The following DPP10 variants were observed in gnomAD, a reference collection of about 807,000 sequenced individuals.
The protein encoded by DPP10 is dipeptidyl peptidase like 10.
A neutral mutation model predicts 120.9 loss-of-function variants in DPP10; 33 were observed. The observed-to-expected ratio is 0.27, with a 90% CI of 0.21 to 0.37. The LOEUF (loss-of-function observed/expected upper bound fraction) is 0.37. Ranked by LOEUF, DPP10 falls within the 10% of genes least tolerant of loss-of-function variation. The pLI is 1.00. For missense variants in DPP10, 816 were observed against 942.8 expected, an observed-to-expected ratio of 0.87 and a Z score of 1.76; for synonymous variants, 337 against 326.1, an observed-to-expected ratio of 1.03 and a Z score of -0.36.
chr2:115,689,903 T>C lies in DPP10; in HGVS notation c.558T>C (p.Gly186=). The change falls in exon 7 of 26, where the codon GGT becomes GGC. Residue 186 remains glycine (G), a synonymous_variant. Transcript: ENST00000410059. Reference sequence around the variant, plus strand: ...CCGTCTTGCAGTACGCGGCCTGGGGTGTCCAAGGGCAGCAGCTGGTAAGCG... The same window carrying C: ...CCGTCTTGCAGTACGCGGCCTGGGGCGTCCAAGGGCAGCAGCTGGTAAGCG... ...EDSVLQYAAW[G]VQGQQLIYIF... 6.2e-7 allele frequency: 1 copy of C among 1,613,866 alleles called. No homozygotes were observed. The highest frequency in any genetic ancestry group is 8.5e-7 in the Non-Finnish European group (1 of 1,179,926).
intron 1 of DPP10, among the ~76,000 whole-genome samples, chr2:114,668,953 G>C (rs1698136749): frequency 6.6e-6 from 1 of 151,982 alleles, no homozygotes; most frequent in Non-Finnish European, 1.5e-5. Context: ...TAAATATCAT[G>C]TTCTCTTGTC....
chr2:114,717,456 C>G (rs1319147695), intron 1 of DPP10, among the ~76,000 whole-genome samples: 1 of 152,008 alleles, frequency 6.6e-6, no homozygotes, highest in Non-Finnish European at 1.5e-5. Context: ...ATTTTACCAA[C>G]TAGGAAATGA....
chr2:115,141,305 G>A (rs1325969292), intron 1 of DPP10, among the ~76,000 whole-genome samples: 2 of 152,138 alleles, frequency 1.3e-5, no homozygotes, highest in Non-Finnish European at 2.9e-5. Context: ...GGCAATTTAG[G>A]CAGGGAGGAA....
chr2:115,234,281 CTA>C (rs144443911), intron 1 of DPP10, among the ~76,000 whole-genome samples: 11 of 152,140 alleles, frequency 7.2e-5, no homozygotes, highest in Non-Finnish European at 1.5e-4. Context: ...ATACCCTGCA[CTA>C]TGTTTCCTTT....
intron 3 of DPP10, among the ~76,000 whole-genome samples, chr2:115,448,254 A>G (rs2072796633): frequency 1.3e-5 from 2 of 152,198 alleles, no homozygotes; most frequent in Admixed American, 1.3e-4. Flanking sequence ...CGGGATAGAG[A>G]AAGAAGCAGC....
chr2:115,712,856 C>T (rs1276107775), intron 7 of DPP10, among the ~76,000 whole-genome samples: 1 of 151,864 alleles, frequency 6.6e-6, no homozygotes, highest in African/African-American at 2.4e-5. Context: ...TAAGTATTCC[C>T]TGTCATCAAG....
At chr2:115,210,224 A>G (rs1396702549) in intron 1 of DPP10, among the ~76,000 whole-genome samples, 2 of 151,834 alleles carry the variant, frequency 1.3e-5, no homozygotes, top group Non-Finnish European at 2.9e-5. Flanking sequence ...CCTGTGTCCA[A>G]GTGTTCTCAT....
intron 3 of DPP10, among the ~76,000 whole-genome samples, chr2:115,477,415 C>T (rs2075155779): frequency 6.6e-6 from 1 of 151,728 alleles, no homozygotes. Flanking sequence ...GTAGTAGCAC[C>T]AAAAGGATTA....
chr2:115,368,783 A>ATTAATT (rs144308549), intron 3 of DPP10, among the ~76,000 whole-genome samples: 3 of 151,130 alleles, frequency 2.0e-5, no homozygotes, highest in East Asian at 1.9e-4. Flanking sequence ...TTTAATTGAA[A>ATTAATT]TTAATTTTAA....
intron 1 of DPP10, among the ~76,000 whole-genome samples, chr2:115,176,888 G>A (rs1242409288): frequency 2.0e-5 from 3 of 152,200 alleles, no homozygotes; most frequent in Non-Finnish European, 4.4e-5. Context: ...CATGTGTTTG[G>A]TGAGCACCTG....
chr2:115,282,719 GT>G (rs1023640702), intron 1 of DPP10, among the ~76,000 whole-genome samples: 6 of 152,104 alleles, frequency 3.9e-5, no homozygotes, highest in Non-Finnish European at 8.8e-5. Context: ...AAGAGGCCTG[GT>G]AGCCTTTGTT....
intron 1 of DPP10, among the ~76,000 whole-genome samples, chr2:114,987,964 C>T (rs1342125145): frequency 2.0e-5 from 3 of 151,744 alleles, no homozygotes; most frequent in Non-Finnish European, 4.4e-5. Context: ...CCACCACGCC[C>T]GGCTAATTTT....
chr2:114,658,597 T>C (rs1279446803), intron 1 of DPP10, among the ~76,000 whole-genome samples: 5 of 152,046 alleles, frequency 3.3e-5, no homozygotes, highest in Non-Finnish European at 5.9e-5. Flanking sequence ...GTATCTTCAG[T>C]TTTGTTTGTT....
At chr2:114,494,675 G>A (rs1450597530) in intron 1 of DPP10, among the ~76,000 whole-genome samples, 1 of 152,168 alleles carries the variant, frequency 6.6e-6, no homozygotes, top group Non-Finnish European at 1.5e-5. Context: ...GTTTTCAAAA[G>A]GGAGTGACAT....
At chr2:115,119,835 CATGTACCTGTACCAAA>C (rs2049729455) in intron 1 of DPP10, among the ~76,000 whole-genome samples, 1 of 152,164 alleles carries the variant, frequency 6.6e-6, no homozygotes, top group Admixed American at 6.6e-5. Context: ...GCTTAGAAGA[CATGTACCTGTACCAAA>C]AAGACTAACA....
intron 1 of DPP10, among the ~76,000 whole-genome samples, chr2:115,219,653 A>T (rs975806116): frequency 3.9e-5 from 6 of 152,192 alleles, no homozygotes; most frequent in Admixed American, 2.0e-4. Context: ...ATATTACCCT[A>T]AATTCTCAAT....
chr2:114,479,918 T>C (rs142920105), intron 1 of DPP10, among the ~76,000 whole-genome samples: 4,911 of 151,808 alleles, frequency 0.032, 95 homozygotes, highest in Non-Finnish European at 0.047. Context: ...ACCATCAGAG[T>C]GAACAGGCAA....
chr2:114,767,915 G>T (rs1680881276), intron 1 of DPP10, among the ~76,000 whole-genome samples: 1 of 152,128 alleles, frequency 6.6e-6, no homozygotes, highest in African/African-American at 2.4e-5. Flanking sequence ...GAGGTCAGGA[G>T]TTTGAAACCA....
At chr2:114,835,200 T>TACCTATGTATATATAGGACATATCTACAC (rs1687617163) in intron 1 of DPP10, 2 of 138,894 alleles carry the variant, frequency 1.4e-5, no homozygotes, top group African/African-American at 6.2e-5. Context: ...CATATCTACA[T>TACCTATGTATATATAGGACATATCTACAC]ACCTATGTAT....
Sources: gnomAD v4.1 joint callset for allele counts (sites outside exome capture counted in the v4.1 genomes callset) on GRCh38, gnomAD v4.1.1 for gene constraint, MANE v1.5 for transcripts, NCBI Gene and HGNC (gene_info 2026-07-23, HGNC 2026-07-21) for gene names.